The following FAM222A variants were observed in gnomAD, a reference collection of about 807,000 sequenced individuals.
FAM222A encodes protein FAM222A.
A neutral mutation model predicts 25.8 loss-of-function variants in FAM222A; 7 were observed. The observed-to-expected ratio is 0.27, with a 90% confidence interval of 0.15 to 0.51. The LOEUF (loss-of-function observed/expected upper bound fraction) is 0.51. Among genes scored for constraint, FAM222A ranks in the 20% least tolerant of loss-of-function variants. The pLI is 0.97. For missense variants in FAM222A, 573 were observed against 640.5 expected, an observed-to-expected ratio of 0.89 and a Z score of 1.14; for synonymous variants, 294 against 298.8, an observed-to-expected ratio of 0.98 and a Z score of 0.17.
intron 2 of FAM222A, among the ~76,000 whole-genome samples, chr12:109,765,917 A>G (rs548116700): frequency 6.6e-6 from 1 of 152,196 alleles, no homozygotes; most frequent in Non-Finnish European, 1.5e-5. Context: ...TGTTAACGCC[A>G]TCTACCGCAC....
chr12:109,764,303 T>TTCTGTGGAA (rs1888983028), intron 2 of FAM222A, among the ~76,000 whole-genome samples: 1 of 151,838 alleles, frequency 6.6e-6, no homozygotes, highest in Non-Finnish European at 1.5e-5. Flanking sequence ...TTATGGCACT[T>TTCTGTGGAA]TCTGTGGAAT....
intron 1 of FAM222A, chr12:109,734,705 A>T (rs1352504498): frequency 6.6e-6 from 1 of 152,222 alleles, no homozygotes; most frequent in African/African-American, 2.4e-5. Context: ...TTCCCCAGTT[A>T]ACCGTCAGCC....
At chr12:109,766,903 T>G (rs763228622) in intron 2 of FAM222A, among the ~76,000 whole-genome samples, 3 of 151,998 alleles carry the variant, frequency 2.0e-5, no homozygotes, top group Non-Finnish European at 4.4e-5. Flanking sequence ...TTTATTTACT[T>G]TTATTTTTTT....
At chr12:109,725,857 C>G (rs1887830433) in intron 1 of FAM222A, among the ~76,000 whole-genome samples, 1 of 151,992 alleles carries the variant, frequency 6.6e-6, no homozygotes, top group South Asian at 2.1e-4. Flanking sequence ...CATTTTCATA[C>G]AATTGCTATA....
At chr12:109,726,119 TA>T (rs11464580) in intron 1 of FAM222A, among the ~76,000 whole-genome samples, 6,924 of 110,314 alleles carry the variant, frequency 0.063, 441 homozygotes, top group African/African-American at 0.17. Context: ...AAAAAATTGC[TA>T]AAAAAAAAAA....
intron 2 of FAM222A, among the ~76,000 whole-genome samples, chr12:109,753,559 C>T (rs1043525277): frequency 6.7e-5 from 10 of 150,240 alleles, no homozygotes; most frequent in African/African-American, 1.5e-4. Flanking sequence ...CCCCCCATCC[C>T]GGGGGGGGGA....
chr12:109,768,271 C>T lies in FAM222A; in HGVS notation c.342C>T (p.Ser114=). Residue 114 remains serine (S), a synonymous_variant, in exon 3 of 3, where the codon AGC becomes AGT. Coordinates refer to ENST00000538780, the MANE Select transcript of FAM222A (RefSeq NM_032829.3). ...AIVKAAVSSS[S]TAAPAGPAKS... ...TCAAGGCCGCGGTTTCCTCCTCCAG[C>T]ACGGCCGCACCAGCTGGGCCCGCCA... is the stretch of plus-strand genomic sequence containing the variant. 6.2e-7 allele frequency: 1 copy of T among 1,606,924 alleles called. No individual in the cohort carries two copies. Among genetic ancestry groups the T allele is most frequent in the Non-Finnish European group, 8.5e-7 (1 of 1,177,496 alleles).
At chr12:109,715,960 C>A (rs1393519595) in intron 1 of FAM222A, among the ~76,000 whole-genome samples, 3 of 152,152 alleles carry the variant, frequency 2.0e-5, no homozygotes, top group Non-Finnish European at 4.4e-5. Context: ...CCTGCTGCAC[C>A]CCTAGTCCAG....
chr12:109,751,314 A>G (rs1402921228), intron 2 of FAM222A, among the ~76,000 whole-genome samples: 2 of 152,026 alleles, frequency 1.3e-5, no homozygotes, highest in African/African-American at 2.4e-5. Flanking sequence ...ATACTTGTCT[A>G]TGATCTTCAT....
At chr12:109,741,984 CG>C (rs369850975) in intron 1 of FAM222A, 3 of 152,320 alleles carry the variant, frequency 2.0e-5, no homozygotes, top group African/African-American at 7.2e-5. Flanking sequence ...TGGCTTTCTC[CG>C]GATCTCCCTC....
chr12:109,736,446 C>T (rs142636946), intron 1 of FAM222A, among the ~76,000 whole-genome samples: 40 of 152,320 alleles, frequency 2.6e-4, no homozygotes, highest in African/African-American at 9.4e-4. Flanking sequence ...CCTAAGCTCA[C>T]AGAGTTAGGG....
chr12:109,754,540 C>T (rs1013014810), intron 2 of FAM222A, among the ~76,000 whole-genome samples: 4 of 152,216 alleles, frequency 2.6e-5, no homozygotes, highest in African/African-American at 9.6e-5. Flanking sequence ...TATTAACACT[C>T]CAGTTCTTGC....
Position 109,768,367 on chromosome 12 carries a change from G to A in FAM222A, c.438G>A (p.Ala146=), listed in dbSNP as rs543160077. The A allele has an allele frequency of 4.7e-4, 749 of 1,596,714 alleles. 15 individuals carry two copies. In the South Asian group the frequency reaches 7.6e-3, roughly 16 times the overall value. ...LSPAAVQVGI[A]PYPVPSTLGP... The stretch of plus-strand genomic sequence containing the variant: ...CGGCCGCCGTGCAGGTGGGCATTGC[G>A]CCCTACCCAGTGCCCAGCACTCTGG... The change falls in exon 3 of 3, where the codon GCG becomes GCA. Residue 146 remains alanine, a synonymous_variant. Coordinates refer to ENST00000538780, the MANE Select transcript of FAM222A (RefSeq NM_032829.3).
intron 2 of FAM222A, among the ~76,000 whole-genome samples, chr12:109,757,265 G>T (rs1201853765): frequency 6.6e-6 from 1 of 152,232 alleles, no homozygotes; most frequent in Non-Finnish European, 1.5e-5. Context: ...TTGTGTGTGT[G>T]TAACTCAAAA....
chr12:109,720,193 TGGGGGCCC>T lies in FAM222A; in HGVS notation c.-47+5297_-47+5304del, dbSNP rs1327349530. 3.0e-6 allele frequency: 3 copies of T among 984,592 alleles called. No homozygotes were observed. In the East Asian group the frequency reaches 3.4e-4, roughly 112 times the overall value. 61.0% of individuals were successfully genotyped at this position (984,592 alleles called of 1,614,324 possible). A position where few individuals can be genotyped will look rare whatever the true frequency, so the allele number is the denominator to read the frequency against. ...CAGCCGCAGCAGCTGTTTGGGGCCCTGGGGGCCCCTGCTATTGTGCAGAGGGCACAGGG... is the reference window on the plus strand; with the variant it reads ...CAGCCGCAGCAGCTGTTTGGGGCCCTCTGCTATTGTGCAGAGGGCACAGGG... On this transcript the variant is annotated intron_variant, in intron 1 of 2. Coordinates refer to ENST00000538780, the MANE Select transcript of FAM222A (RefSeq NM_032829.3).
At chr12:109,716,338 C>T (rs1887645246) in intron 1 of FAM222A, among the ~76,000 whole-genome samples, 1 of 152,162 alleles carries the variant, frequency 6.6e-6, no homozygotes, top group African/African-American at 2.4e-5. Context: ...CGAAAACTGT[C>T]ATTGCCTCAG....
chr12:109,758,643 C>T (rs1888802232), intron 2 of FAM222A, among the ~76,000 whole-genome samples: 1 of 151,486 alleles, frequency 6.6e-6, no homozygotes, highest in African/African-American at 2.4e-5. Flanking sequence ...AGCCGCCGTC[C>T]CTGCCCCCAC....
chr12:109,732,671 A>G (rs1887975421), intron 1 of FAM222A, among the ~76,000 whole-genome samples: 1 of 152,168 alleles, frequency 6.6e-6, no homozygotes, highest in Non-Finnish European at 1.5e-5. Flanking sequence ...CCCACTTTTC[A>G]GAAGGAGGGG....
intron 1 of FAM222A, among the ~76,000 whole-genome samples, chr12:109,716,037 C>G (rs1409770790): frequency 6.6e-6 from 1 of 152,342 alleles, no homozygotes; most frequent in East Asian, 1.9e-4. Flanking sequence ...TGATTGCCCC[C>G]TGCTCCTTCT....
Sources: allele counts gnomAD v4.1 joint callset (sites outside exome capture counted in the v4.1 genomes callset), GRCh38; gene constraint gnomAD v4.1.1; transcripts MANE v1.5; gene names NCBI Gene and HGNC (gene_info 2026-07-23, HGNC 2026-07-21).